HNRNPK: variants seen among roughly 807,000 people sequenced by gnomAD.
The protein encoded by HNRNPK is heterogeneous nuclear ribonucleoprotein K.
In HNRNPK, 7 loss-of-function variants were observed where a neutral mutation model predicts 67.0. The observed-to-expected ratio is 0.10, with a 90% CI of 0.06 to 0.20. HNRNPK has a LOEUF of 0.20. Among genes scored for constraint, HNRNPK ranks in the 10% least tolerant of loss-of-function variants. HNRNPK has a pLI of 1.00. For synonymous variants in HNRNPK, 213 were observed against 193.7 expected, an observed-to-expected ratio of 1.10 and a Z score of -0.83; for missense variants, 264 against 606.5, an observed-to-expected ratio of 0.44 and a Z score of 5.93.
At chr9:83,973,814 A>T in intron 8 of HNRNPK, 88 bp downstream of exon 8, 1 of 974,386 alleles carries the variant, frequency 1.0e-6, no homozygotes, top group East Asian at 2.4e-5. Context: ...TTCTATAGAG[A>T]TGGGAAAAGC....
chr9:83,971,401 TTA>T (rs746658382), intron 12 of HNRNPK, 45 bp from the exon 13 acceptor site: 6 of 1,329,946 alleles, frequency 4.5e-6, no homozygotes, highest in Non-Finnish European at 6.5e-6. Flanking sequence ...TTGTATTTTG[TTA>T]TAGAGCTGTT....
intron 11 of HNRNPK, 53 bp downstream of exon 11, chr9:83,971,829 A>G (rs1956858054): frequency 8.3e-6 from 13 of 1,574,308 alleles, no homozygotes; most frequent in South Asian, 6.9e-5. Context: ...TTGCAGGTTA[A>G]TAATTCATAG....
chr9:83,978,879 C>T (rs1235050716), intron 1 of HNRNPK, among the ~76,000 whole-genome samples: 1 of 152,198 alleles, frequency 6.6e-6, no homozygotes. Flanking sequence ...TGTGACATCT[C>T]TAAAGTTTAC....
Position 83,973,199 on chromosome 9 carries a change from AG to A in HNRNPK, c.516+86del, listed in dbSNP as rs1169849808. On this transcript the variant is annotated intron_variant, in intron 9 of 16. Coordinates refer to ENST00000376263, the MANE Select transcript of HNRNPK (RefSeq NM_031263.4). ...TAAGCAATCTTTGGAGGGAACTGAGAGGGGAAGCGAGAGAAGCTCACAGAAA... is the reference window on the plus strand; with the variant it reads ...TAAGCAATCTTTGGAGGGAACTGAGAGGGAAGCGAGAGAAGCTCACAGAAA... 1.3e-5 allele frequency: 11 copies of A among 846,138 alleles called. No homozygotes were observed. In the African/African-American group the frequency reaches 1.7e-4, roughly 13 times the overall value. The allele number at this position is 846,138 out of a possible 1,614,324, so 52.4% of individuals were successfully genotyped here.
intron 3 of HNRNPK, 37 bp downstream of exon 3, chr9:83,978,158 A>C (rs375266968): frequency 8.9e-5 from 119 of 1,339,536 alleles, no homozygotes; most frequent in Non-Finnish European, 1.2e-4. Context: ...TATTAACAGG[A>C]TAAAAAAATA....
At chr9:83,970,937 A>G (rs761971516) in intron 13 of HNRNPK, 25 bp from the exon 14 acceptor site, 5 of 1,609,820 alleles carry the variant, frequency 3.1e-6, no homozygotes, top group Middle Eastern at 1.7e-4. Flanking sequence ...AAAAAAATAG[A>G]AAATTACTTT....
intron 5 of HNRNPK, 48 bp downstream of exon 5, chr9:83,976,947 A>AT (rs763073713): frequency 9.4e-7 from 1 of 1,067,506 alleles, no homozygotes; most frequent in South Asian, 1.4e-5. Context: ...TTCTATAGAC[A>AT]TATAAACTGA....
chr9:83,976,834 A>C, intron 5 of HNRNPK, 161 bp downstream of exon 5: 1 of 489,998 alleles, frequency 2.0e-6, no homozygotes, highest in Middle Eastern at 5.6e-4. Context: ...CTTTTGTTAA[A>C]ACAGGAATGG....
intron 15 of HNRNPK, 70 bp from the exon 16 acceptor site, chr9:83,970,401 G>A (rs1396409517): frequency 4.2e-6 from 5 of 1,197,470 alleles, no homozygotes; most frequent in Non-Finnish European, 4.7e-6. Flanking sequence ...TTTTCAAGGA[G>A]CATGAAGTTA....
chr9:83,970,477 T>C (rs1956776642), intron 15 of HNRNPK, 146 bp from the exon 16 acceptor site: 5 of 691,878 alleles, frequency 7.2e-6, no homozygotes, highest in Non-Finnish European at 1.2e-5. Flanking sequence ...AAGGTTTGAG[T>C]TATAATGTAT....
At chr9:83,975,199 G>T (rs1331641264) in intron 6 of HNRNPK, among the ~76,000 whole-genome samples, 1 of 152,168 alleles carries the variant, frequency 6.6e-6, no homozygotes, top group Non-Finnish European at 1.5e-5. Flanking sequence ...GACTATTTTG[G>T]TAACAATTTG....
In HNRNPK at chr9:83,972,212, C is replaced by T. The variant is rs746541813; in HGVS notation, c.646-23G>A. On this transcript the variant is annotated intron_variant, in intron 10 of 16. Coordinates refer to ENST00000376263, the MANE Select transcript of HNRNPK (RefSeq NM_031263.4). ...AGACTAAAAACAGAGATGGAACAAA[C>T]TTACAGACTGAAGAAAAAGAGTCCT... 44 of 1,535,716 alleles carry T rather than the reference C, an allele frequency of 2.9e-5. No homozygotes were observed. In the Admixed American group the frequency reaches 9.0e-4, roughly 31 times the overall value.
Position 83,978,297 on chromosome 9 carries a change from A to G in HNRNPK, c.-27-18T>C, listed in dbSNP as rs1395472036. ...ACACCAATCTGTGGAAAAATAAAGCAGCTAGTACATTTGGCTTATTGGAAA... is the reference window on the plus strand; with the variant it reads ...ACACCAATCTGTGGAAAAATAAAGCGGCTAGTACATTTGGCTTATTGGAAA... On this transcript the variant is annotated intron_variant, in intron 2 of 16. Transcript: ENST00000376263. 12 of 1,576,116 alleles carry G rather than the reference A, an allele frequency of 7.6e-6. No individual in the cohort carries two copies. The highest frequency in any genetic ancestry group is 1.2e-5 in the South Asian group (1 of 85,046).
chr9:83,969,693 CAAAG>C (rs966913105), intron 16 of HNRNPK: 10 of 609,084 alleles, frequency 1.6e-5, no homozygotes, highest in Admixed American at 2.9e-5. Context: ...GTAGAAAAGA[CAAAG>C]AATGCTAGTA....
chr9:83,970,974 A>T (rs1283802523), intron 13 of HNRNPK, 62 bp from the exon 14 acceptor site: 2 of 1,503,334 alleles, frequency 1.3e-6, no homozygotes, highest in East Asian at 2.3e-5. Context: ...CCGGTACTTT[A>T]AAAAAATTCA....
chr9:83,971,406 G>A, intron 12 of HNRNPK, 50 bp from the exon 13 acceptor site: 1 of 1,305,950 alleles, frequency 7.7e-7, no homozygotes, highest in South Asian at 1.2e-5. Flanking sequence ...TTTTGTTATA[G>A]AGCTGTTTTT....
intron 6 of HNRNPK, among the ~76,000 whole-genome samples, chr9:83,975,220 C>T (rs1426361926): frequency 6.6e-6 from 1 of 152,110 alleles, no homozygotes; most frequent in African/African-American, 2.4e-5. Flanking sequence ...ATTTACAATG[C>T]GGCAAATATG....
rs1956715007 is a variant in HNRNPK at position 83,969,269 on chromosome 9, T to G, written c.*138A>C. 3 of 738,266 alleles carry G rather than the reference T, an allele frequency of 4.1e-6. No homozygotes were observed. Among genetic ancestry groups the G allele is most frequent in the Non-Finnish European group, 4.9e-6 (2 of 408,856 alleles). The allele number at this position is 738,266 out of a possible 1,614,324, so 45.7% of individuals were successfully genotyped here. ...CTACACCTCAAATGCAGAACACCTA[T>G]GAAGCAGAGGAATGTTGGCTTTTTA... On this transcript the variant is annotated 3_prime_UTR_variant, in exon 17 of 17. Coordinates refer to ENST00000376263, the MANE Select transcript of HNRNPK (RefSeq NM_031263.4).
chr9:83,970,716 G>A (rs755597367), intron 15 of HNRNPK, 21 bp downstream of exon 15: 2 of 1,309,696 alleles, frequency 1.5e-6, no homozygotes, highest in Non-Finnish European at 2.2e-6. Context: ...AAATGTTCCT[G>A]GTAGTATTAA....
Sources: gnomAD v4.1 joint callset for allele counts (sites outside exome capture counted in the v4.1 genomes callset) on GRCh38, gnomAD v4.1.1 for gene constraint, MANE v1.5 for transcripts, NCBI Gene and HGNC (gene_info 2026-07-23, HGNC 2026-07-21) for gene names.